The following NUBP1 variants were observed in gnomAD, a reference collection of about 807,000 sequenced individuals.
NUBP1 encodes the protein cytosolic Fe-S cluster assembly factor NUBP1.
A neutral mutation model predicts 41.8 loss-of-function variants in NUBP1; 46 were observed. The observed-to-expected ratio is 1.10, with a 90% CI of 0.87 to 1.41. The LOEUF is 1.41. Among genes scored for constraint, NUBP1 ranks in the 40% most tolerant of loss-of-function variants. The pLI, the probability that NUBP1 is intolerant of heterozygous loss-of-function variation, is 0.00. For missense variants in NUBP1, 494 were observed against 414.0 expected (o/e 1.19, Z -1.68); for synonymous variants, 189 against 154.6 (o/e 1.22, Z -1.65).
At chr16:10,746,160 G>A (rs1432966683) in intron 2 of NUBP1, among the ~76,000 whole-genome samples, 1 of 152,252 alleles carries the variant, frequency 6.6e-6, no homozygotes, top group African/African-American at 2.4e-5. Context: ...GGACAGCAGT[G>A]TTGGGAGGTT....
intron 9 of NUBP1, among the ~76,000 whole-genome samples, chr16:10,763,986 A>T (rs1358019473): frequency 1.3e-5 from 2 of 151,828 alleles, no homozygotes; most frequent in Non-Finnish European, 2.9e-5. Flanking sequence ...CCACGGGAGC[A>T]TCCCAACTCA....
intron 9 of NUBP1, chr16:10,763,417 G>C (rs1567265053): frequency 6.6e-6 from 1 of 152,274 alleles, no homozygotes; most frequent in Non-Finnish European, 1.5e-5. Context: ...GAGACCCCAT[G>C]TGCCCAGGAG....
chr16:10,758,171 A>C, intron 7 of NUBP1, 144 bp downstream of exon 7: 1 of 932,886 alleles, frequency 1.1e-6, no homozygotes. Flanking sequence ...GTCTGCAGAA[A>C]CCTCGTGTTA....
In NUBP1 at chr16:10,767,218, CTG is replaced by C. The variant is rs1179019267; in HGVS notation, c.821-730_821-729del. 1 of 399,680 alleles carries C rather than the reference CTG, an allele frequency of 2.5e-6. No individual in the cohort carries two copies. The highest frequency in any genetic ancestry group is 4.4e-6 in the Non-Finnish European group (1 of 227,064). 24.8% of individuals were successfully genotyped at this position (399,680 alleles called of 1,614,324 possible). A position where few individuals can be genotyped will look rare whatever the true frequency, so the allele number is the denominator to read the frequency against. On this transcript the variant is annotated intron_variant, in intron 9 of 10. Transcript: ENST00000283027. The surrounding 1 kb of genome is among the most constrained non-coding windows in gnomAD (Gnocchi z 4.6). ...CACGACTGGGGGCTGGCAGGGCAGA[CTG>C]GAGGCGAGAACACCCCCATTGACCC... is the stretch of plus-strand genomic sequence containing the variant.
intron 2 of NUBP1, among the ~76,000 whole-genome samples, chr16:10,746,720 A>G (rs1205265521): frequency 6.6e-6 from 1 of 152,048 alleles, no homozygotes; most frequent in Non-Finnish European, 1.5e-5. Context: ...ATCCTGGGCG[A>G]CAGAGCAACA....
Position 10,768,222 on chromosome 16 carries a change from T to TA in NUBP1, c.904+196dup. 2.2e-6 allele frequency: 1 copy of TA among 453,728 alleles called. No individual in the cohort carries two copies. Among genetic ancestry groups the TA allele is most frequent in the East Asian group, 3.5e-5 (1 of 28,724 alleles). The allele number at this position is 453,728 out of a possible 1,614,324, so 28.1% of individuals were successfully genotyped here. A position where few individuals can be genotyped will look rare whatever the true frequency, so the allele number is the denominator to read the frequency against. ...GAGTATTGTGAATTAATTCATAGTT[T>TA]AAAAAACATGGTGAGGGTGAAATTT... On this transcript the variant is annotated intron_variant, in intron 10 of 10. Transcript: ENST00000283027. The surrounding 1 kb of genome is among the most constrained non-coding windows in gnomAD (Gnocchi z 4.3).
rs1214088799 is a variant in NUBP1, at chr16:10,744,138, G to C, written c.124+73G>C. Reference sequence around the variant, plus strand: ...GAAAAGGCGGGGCGTGGGAGGGAGGGGGCGGGATCTGCAGAATGACTGACA... The same window carrying C: ...GAAAAGGCGGGGCGTGGGAGGGAGGCGGCGGGATCTGCAGAATGACTGACA... On this transcript the variant is annotated intron_variant, in intron 2 of 10. Transcript: ENST00000283027. 5 of 1,254,096 alleles carry C rather than the reference G, an allele frequency of 4.0e-6. No individual in the cohort carries two copies. In the East Asian group the frequency reaches 8.5e-5, roughly 21 times the overall value. The allele number at this position is 1,254,096 out of a possible 1,614,324, so 77.7% of individuals were successfully genotyped here. A position where few individuals can be genotyped will look rare whatever the true frequency, so the allele number is the denominator to read the frequency against.
chr16:10,761,685 C>A lies in NUBP1; in HGVS notation c.718-72C>A. On this transcript the variant is annotated intron_variant, in intron 8 of 10. Coordinates refer to ENST00000283027, the MANE Select transcript of NUBP1 (RefSeq NM_002484.4). ...AAGCCTTTTTTTTTTTTTTAAGTTT[C>A]TTTAAAATGTGGTCCATCCTTGTGA... is the stretch of plus-strand genomic sequence containing the variant. 8.4e-6 allele frequency: 9 copies of A among 1,074,074 alleles called. No individual in the cohort carries two copies. The highest frequency in any genetic ancestry group is 2.7e-5 in the Admixed American group (1 of 37,144). 66.5% of individuals were successfully genotyped at this position (1,074,074 alleles called of 1,614,324 possible). A position where few individuals can be genotyped will look rare whatever the true frequency, so the allele number is the denominator to read the frequency against.
intron 2 of NUBP1, among the ~76,000 whole-genome samples, chr16:10,744,619 A>G (rs1453085763): frequency 6.6e-6 from 1 of 152,202 alleles, no homozygotes; most frequent in Non-Finnish European, 1.5e-5. Flanking sequence ...TACTGGGGAA[A>G]CAAACACGTG....
intron 3 of NUBP1, among the ~76,000 whole-genome samples, chr16:10,748,295 T>C (rs1221639035): frequency 1.3e-5 from 2 of 152,096 alleles, no homozygotes; most frequent in African/African-American, 4.8e-5. Context: ...CTACATATGA[T>C]CCTTGATTTT....
At chr16:10,748,536 T>G (rs576355995) in intron 3 of NUBP1, among the ~76,000 whole-genome samples, 1 of 152,278 alleles carries the variant, frequency 6.6e-6, no homozygotes, top group South Asian at 2.1e-4. Flanking sequence ...TCTACACCAC[T>G]GCTGTGACCT....
In NUBP1 at chr16:10,768,268, C is replaced by A; in HGVS notation, c.904+236C>A. ...AATTTATGGCTTAGGAAATACATCCCAATAAAGGGATAAAGTAATTCATTT... is the reference window on the plus strand; with the variant it reads ...AATTTATGGCTTAGGAAATACATCCAAATAAAGGGATAAAGTAATTCATTT... On this transcript the variant is annotated intron_variant, in intron 10 of 10. Transcript: ENST00000283027. This position sits in a 1 kb window ranked among gnomAD's most constrained non-coding sequence, Gnocchi z 4.3. The A allele has an allele frequency of 1.2e-5, 4 of 330,252 alleles. No homozygotes were observed. The highest frequency in any genetic ancestry group is 1.7e-5 in the Non-Finnish European group (3 of 180,272). The allele number at this position is 330,252 out of a possible 1,614,324, so 20.5% of individuals were successfully genotyped here. A position where few individuals can be genotyped will look rare whatever the true frequency, so the allele number is the denominator to read the frequency against.
intron 4 of NUBP1, 24 bp downstream of exon 4, chr16:10,752,702 G>A (rs1900375798): frequency 1.2e-6 from 2 of 1,603,716 alleles, no homozygotes; most frequent in Non-Finnish European, 1.7e-6. Flanking sequence ...ACAGAACTCA[G>A]GAAATTATTC....
chr16:10,756,015 G>A (rs1567257812), intron 5 of NUBP1, among the ~76,000 whole-genome samples: 1 of 152,206 alleles, frequency 6.6e-6, no homozygotes, highest in Non-Finnish European at 1.5e-5. Context: ...TCCAATAAAA[G>A]TTTATTTACA....
rs1035210687 is a variant in NUBP1, at chr16:10,765,282, C to T, written c.821-2667C>T. On this transcript the variant is annotated intron_variant, in intron 9 of 10. Transcript: ENST00000283027. The surrounding 1 kb of genome is among the most constrained non-coding windows in gnomAD (Gnocchi z 4.0). Reference sequence around the variant, plus strand: ...TTAAATACACACACACACACACACACAACCATGCTCTAGCCTGGGTAACAC... The same window carrying T: ...TTAAATACACACACACACACACACATAACCATGCTCTAGCCTGGGTAACAC... 7.1e-6 allele frequency: 1 copy of T among 140,966 alleles called. No individual in the cohort carries two copies. Among genetic ancestry groups the T allele is most frequent in the Non-Finnish European group, 1.5e-5 (1 of 66,318 alleles). 8.7% of individuals were successfully genotyped at this position (140,966 alleles called of 1,614,324 possible).
chr16:10,755,661 T>G, intron 4 of NUBP1, 60 bp from the exon 5 acceptor site: 2 of 1,521,794 alleles, frequency 1.3e-6, no homozygotes, highest in Non-Finnish European at 1.8e-6. Flanking sequence ...TGTCTGTGCA[T>G]GAAATGTGAC....
chr16:10,762,082 G>T, intron 9 of NUBP1: 1 of 481,000 alleles, frequency 2.1e-6, no homozygotes, highest in South Asian at 2.9e-5. Flanking sequence ...TCAGGCAGAG[G>T]GGTGAGGCCT....
chr16:10,758,047 G>C lies in NUBP1; in HGVS notation c.606+20G>C. 1.2e-6 allele frequency: 2 copies of C among 1,609,994 alleles called. No individual in the cohort carries two copies. Among genetic ancestry groups the C allele is most frequent in the Non-Finnish European group, 1.7e-6 (2 of 1,177,222 alleles). On this transcript the variant is annotated intron_variant, in intron 7 of 10. Transcript: ENST00000283027. ...CCCCAGGTGAGCGAGCTGCCAGCTG[G>C]AGCTGGGTCCAAACTGTGCTCCACA...
chr16:10,761,881 C>T (rs753457785), intron 9 of NUBP1, 22 bp downstream of exon 9: 46 of 1,580,050 alleles, frequency 2.9e-5, no homozygotes, highest in Middle Eastern at 1.7e-4. Flanking sequence ...CAGTGTGGGG[C>T]GGCACCTCAC....
Sources: allele counts gnomAD v4.1 joint callset (sites outside exome capture counted in the v4.1 genomes callset), GRCh38; gene constraint gnomAD v4.1.1; non-coding constraint Gnocchi (gnomAD v3.1); transcripts MANE v1.5; gene names NCBI Gene and HGNC (gene_info 2026-07-23, HGNC 2026-07-21).